The following ZDHHC2 variants were observed in gnomAD, a reference collection of about 807,000 sequenced individuals.
The protein encoded by ZDHHC2 is zDHHC palmitoyltransferase 2.
Under a neutral mutation model 55.6 loss-of-function variants are expected in ZDHHC2, and 51 were observed. The observed-to-expected ratio is 0.92, with a 90% confidence interval of 0.73 to 1.16. The LOEUF is 1.16. Among genes scored for constraint, ZDHHC2 ranks in the 50% most tolerant of loss-of-function variants. The pLI is 0.00. For synonymous variants in ZDHHC2, 199 were observed against 152.9 expected, an observed-to-expected ratio of 1.30 and a Z score of -2.22; for missense variants, 491 against 442.4, an observed-to-expected ratio of 1.11 and a Z score of -0.99.
At chr8:17,177,752 T>TTGTGTGTG (rs10570051) in intron 1 of ZDHHC2, among the ~76,000 whole-genome samples, 1 of 148,822 alleles carries the variant, frequency 6.7e-6, no homozygotes, top group Non-Finnish European at 1.5e-5. Flanking sequence ...TTTGGGGTGT[T>TTGTGTGTG]TGTGTGTGTG....
chr8:17,169,320 G>T lies in ZDHHC2; in HGVS notation c.130+12467G>T, dbSNP rs189160137. Among the ~76,000 whole-genome samples the T allele has an allele frequency of 1.9e-4, 28 of 150,406 alleles. No individual in the cohort carries two copies. The East Asian group carries it at 5.1e-3, about 27-fold the overall frequency. On this transcript the variant is annotated intron_variant, in intron 1 of 12. Coordinates refer to ENST00000262096, the MANE Select transcript of ZDHHC2 (RefSeq NM_016353.5). ...AGGGGATTGTGAAGAATCCCATGTT[G>T]CCCATATGGTGGCCTTCATTACTGG... is the stretch of plus-strand genomic sequence containing the variant.
At chr8:17,169,605 A>G (rs1254615509) in intron 1 of ZDHHC2, among the ~76,000 whole-genome samples, 4 of 152,180 alleles carry the variant, frequency 2.6e-5, no homozygotes, top group Admixed American at 2.6e-4. Flanking sequence ...ATGTGAGTGC[A>G]TGGTGTCAAT....
intron 10 of ZDHHC2, among the ~76,000 whole-genome samples, chr8:17,214,874 A>G (rs759279115): frequency 1.3e-5 from 2 of 152,190 alleles, no homozygotes; most frequent in African/African-American, 2.4e-5. Flanking sequence ...AGCCTGGGCA[A>G]TAGAGTGAGA....
At chr8:17,203,815 T>TTC (rs1170303659) in intron 6 of ZDHHC2, among the ~76,000 whole-genome samples, 1 of 149,694 alleles carries the variant, frequency 6.7e-6, no homozygotes, top group East Asian at 2.0e-4. Context: ...TTTTCTTTTT[T>TTC]TTTTTTTTTT....
At position 17,178,797 on chromosome 8, in the gene ZDHHC2, T is replaced by C. The variant is rs956197547; in HGVS notation, c.131-5992T>C. 8.5e-5 allele frequency among the ~76,000 whole-genome samples: 13 copies of C among 152,218 alleles called. 1 individual carries two copies. Among genetic ancestry groups the C allele is most frequent in the Admixed American group, 7.9e-4 (12 of 15,278 alleles). ...TGGGTTATTACTTTGACAGTCTCAC[T>C]CTTTAACTTCAATTTTACCTGTTTT... is the stretch of plus-strand genomic sequence containing the variant. On this transcript the variant is annotated intron_variant, in intron 1 of 12. Transcript: ENST00000262096.
At chr8:17,163,519 T>C (rs1021145913) in intron 1 of ZDHHC2, among the ~76,000 whole-genome samples, 1 of 152,176 alleles carries the variant, frequency 6.6e-6, no homozygotes, top group African/African-American at 2.4e-5. Context: ...GTTTTTATGT[T>C]TTATCTTGAT....
At chr8:17,199,533 TGTCTTCG>T (rs1806560191) in intron 6 of ZDHHC2, among the ~76,000 whole-genome samples, 4 of 31,290 alleles carry the variant, frequency 1.3e-4, no homozygotes, top group South Asian at 1.9e-3. Context: ...CTTCGTCTTC[TGTCTTCG>T]TCTTCTGTCT....
intron 1 of ZDHHC2, among the ~76,000 whole-genome samples, chr8:17,164,796 C>A (rs1216913550): frequency 6.6e-6 from 1 of 152,048 alleles, no homozygotes; most frequent in African/African-American, 2.4e-5. Context: ...GTCATGATTA[C>A]CTATTTTCTT....
chr8:17,172,218 C>G (rs1470376157), intron 1 of ZDHHC2, among the ~76,000 whole-genome samples: 1 of 152,200 alleles, frequency 6.6e-6, no homozygotes, highest in Non-Finnish European at 1.5e-5. Flanking sequence ...CCTCCCCTTT[C>G]TAAACCAAAG....
chr8:17,210,486 C>T lies in ZDHHC2; in HGVS notation c.950+6C>T. The stretch of plus-strand genomic sequence containing the variant: ...CTGAATTCCACAGCTAAAAAGTAAT[C>T]TCATATTTTTTTTCATTTTACTTTC... On this transcript the variant is annotated splice_donor_region_variant and intron_variant, in intron 10 of 12. Coordinates refer to ENST00000262096, the MANE Select transcript of ZDHHC2 (RefSeq NM_016353.5). 6.3e-7 allele frequency: 1 copy of T among 1,595,572 alleles called. No homozygotes were observed. The highest frequency in any genetic ancestry group is 8.5e-7 in the Non-Finnish European group (1 of 1,172,098).
chr8:17,183,026 T>C (rs1376808797), intron 1 of ZDHHC2, among the ~76,000 whole-genome samples: 1 of 152,222 alleles, frequency 6.6e-6, no homozygotes, highest in Non-Finnish European at 1.5e-5. Flanking sequence ...CCTCCCAAAA[T>C]GTTGGGATTA....
chr8:17,216,696 A>T (rs1277633906), intron 11 of ZDHHC2, among the ~76,000 whole-genome samples: 1 of 152,184 alleles, frequency 6.6e-6, no homozygotes, highest in Non-Finnish European at 1.5e-5. Context: ...ACATGCTATT[A>T]TAATTCTTCG....
intron 3 of ZDHHC2, 50 bp downstream of exon 3, chr8:17,186,475 C>G (rs1805718118): frequency 8.9e-7 from 1 of 1,121,192 alleles, no homozygotes; most frequent in Admixed American, 3.4e-5. Context: ...ATCAATAATA[C>G]TGATGTATTA....
At chr8:17,180,693 A>G (rs1429723583) in intron 1 of ZDHHC2, among the ~76,000 whole-genome samples, 1 of 152,144 alleles carries the variant, frequency 6.6e-6, no homozygotes, top group African/African-American at 2.4e-5. Context: ...AATCACCCTC[A>G]TTTTGTAGTG....
At chr8:17,195,010 A>C (rs1210859875) in intron 3 of ZDHHC2, among the ~76,000 whole-genome samples, 2 of 152,334 alleles carry the variant, frequency 1.3e-5, no homozygotes, top group East Asian at 3.9e-4. Context: ...AAGAAGTAAA[A>C]TAAATAATTA....
Position 17,165,839 on chromosome 8 carries a change from G to A in ZDHHC2, c.130+8986G>A, listed in dbSNP as rs914213123. 2.0e-5 allele frequency among the ~76,000 whole-genome samples: 3 copies of A among 152,344 alleles called. 1 individual carries two copies. The highest frequency in any genetic ancestry group is 6.8e-3 in the Middle Eastern group (2 of 294). ...ACTCATGAAATTTAAGCAGAGAACT[G>A]AAGGAGCTGAAACATTTAACCATGC... is the stretch of plus-strand genomic sequence containing the variant. On this transcript the variant is annotated intron_variant, in intron 1 of 12. Transcript: ENST00000262096.
intron 1 of ZDHHC2, among the ~76,000 whole-genome samples, chr8:17,168,259 G>A (rs1031943534): frequency 1.3e-5 from 2 of 152,132 alleles, no homozygotes; most frequent in African/African-American, 2.4e-5. Flanking sequence ...TGAATGAGCC[G>A]CTTAGCATGC....
chr8:17,219,980 T>C lies in ZDHHC2; in HGVS notation c.*35-276T>C, dbSNP rs1267423896. Among the ~76,000 whole-genome samples, 6 of 152,220 alleles carry C rather than the reference T, an allele frequency of 3.9e-5. 1 individual carries two copies. Among genetic ancestry groups the C allele is most frequent in the Admixed American group, 3.3e-4 (5 of 15,288 alleles). On this transcript the variant is annotated intron_variant, in intron 12 of 12. Coordinates refer to ENST00000262096, the MANE Select transcript of ZDHHC2 (RefSeq NM_016353.5). ...ACATTGTCATGACCTGGAAGATTAA[T>C]AGAAATGCAGAATCTTAGGCCTTAT...
At chr8:17,177,301 G>C (rs1805190516) in intron 1 of ZDHHC2, among the ~76,000 whole-genome samples, 3 of 152,130 alleles carry the variant, frequency 2.0e-5, no homozygotes. Flanking sequence ...AAGGAGGTTG[G>C]GGGTAGAGAG....
Sources: gnomAD v4.1 joint callset for allele counts (sites outside exome capture counted in the v4.1 genomes callset) on GRCh38, gnomAD v4.1.1 for gene constraint, MANE v1.5 for transcripts, NCBI Gene and HGNC (gene_info 2026-07-23, HGNC 2026-07-21) for gene names.